Variants in PPP4R4 observed in about 807,000 individuals in gnomAD.
The protein encoded by PPP4R4 is protein phosphatase 4 regulatory subunit 4, also known as serine/threonine-protein phosphatase 4 regulatory subunit 4.
Under a neutral mutation model 121.8 loss-of-function variants are expected in PPP4R4, and 70 were observed. That is an observed-to-expected ratio of 0.57 (90% CI 0.47 to 0.70). The LOEUF (loss-of-function observed/expected upper bound fraction) is 0.70. PPP4R4 is among the 30% of genes least tolerant of loss of function. The pLI is 0.00. For synonymous variants in PPP4R4, 348 were observed against 355.7 expected (o/e 0.98, Z 0.24); for missense variants, 875 against 1,033.6 (o/e 0.85, Z 2.10).
At chr14:94,248,479 T>G (rs1019806707) in intron 14 of PPP4R4, among the ~76,000 whole-genome samples, 1 of 152,168 alleles carries the variant, frequency 6.6e-6, no homozygotes, top group Non-Finnish European at 1.5e-5. Flanking sequence ...AATGACCATA[T>G]TGCCCAAAGC....
intron 9 of PPP4R4, among the ~76,000 whole-genome samples, chr14:94,241,107 G>A (rs960558967): frequency 4.6e-5 from 7 of 152,004 alleles, no homozygotes; most frequent in South Asian, 2.1e-4. Flanking sequence ...CTATTTGTAC[G>A]TAGTAAGTAT....
intron 2 of PPP4R4, among the ~76,000 whole-genome samples, chr14:94,204,153 A>G (rs1317668970): frequency 3.3e-5 from 5 of 152,114 alleles, no homozygotes; most frequent in African/African-American, 9.7e-5. Flanking sequence ...TGACAGGTCT[A>G]TTGTTATATG....
rs11399509 is a variant in PPP4R4, at chr14:94,233,057, C to CAA, written c.517-584_517-583dup. Among the ~76,000 whole-genome samples the CAA allele has an allele frequency of 9.0e-4, 121 of 134,996 alleles. 1 individual carries two copies. The South Asian group carries it at 9.2e-3, about 10-fold the overall frequency. The allele number at this position is 134,996 out of a possible 152,430, so 88.6% of individuals were successfully genotyped here. On this transcript the variant is annotated intron_variant, in intron 5 of 24. Transcript: ENST00000304338. The stretch of plus-strand genomic sequence containing the variant: ...TGGGCGACAGAGCGAGACTCCGTCT[C>CAA]AAAAAAAAAAAAAGAGAAATAGCGA...
At chr14:94,216,474 A>G (rs1388662453) in intron 3 of PPP4R4, among the ~76,000 whole-genome samples, 1 of 152,244 alleles carries the variant, frequency 6.6e-6, no homozygotes, top group African/African-American at 2.4e-5. Context: ...TGTGTTTAGG[A>G]TAACTTGTAG....
chr14:94,236,141 G>A (rs529593547), intron 7 of PPP4R4, among the ~76,000 whole-genome samples: 16 of 152,194 alleles, frequency 1.1e-4, no homozygotes, highest in South Asian at 4.2e-4. Flanking sequence ...TTTAAGTGTC[G>A]TGTTGGAAGT....
chr14:94,204,880 T>C (rs1311571396), intron 2 of PPP4R4, among the ~76,000 whole-genome samples: 1 of 152,226 alleles, frequency 6.6e-6, no homozygotes, highest in Non-Finnish European at 1.5e-5. Context: ...TCTGAATTGG[T>C]ATGATCATGT....
chr14:94,218,944 A>T (rs1891227323), intron 3 of PPP4R4, among the ~76,000 whole-genome samples: 1 of 152,160 alleles, frequency 6.6e-6, no homozygotes, highest in African/African-American at 2.4e-5. Flanking sequence ...ACTGAAATAT[A>T]TACCCAGTTA....
chr14:94,179,185 C>T (rs1027305184), intron 2 of PPP4R4, among the ~76,000 whole-genome samples: 3 of 152,182 alleles, frequency 2.0e-5, no homozygotes, highest in African/African-American at 7.2e-5. Context: ...ACATTTCCAT[C>T]ACCCCCAAAA....
At chr14:94,190,988 AT>A (rs1377346733) in intron 2 of PPP4R4, among the ~76,000 whole-genome samples, 1 of 152,188 alleles carries the variant, frequency 6.6e-6, no homozygotes, top group Non-Finnish European at 1.5e-5. Flanking sequence ...TGAAACTAAA[AT>A]TTAACAATTA....
intron 23 of PPP4R4, among the ~76,000 whole-genome samples, chr14:94,269,939 A>G (rs1402271866): frequency 2.0e-5 from 3 of 152,198 alleles, no homozygotes; most frequent in Non-Finnish European, 4.4e-5. Context: ...CTATTAGATA[A>G]AATAATAACT....
intron 3 of PPP4R4, among the ~76,000 whole-genome samples, chr14:94,210,159 C>G (rs1890667769): frequency 6.6e-6 from 1 of 150,560 alleles, no homozygotes; most frequent in African/African-American, 2.4e-5. Flanking sequence ...TCAGGCATAC[C>G]TTACAGTTTC....
At chr14:94,194,480 A>T (rs1429985181) in intron 2 of PPP4R4, among the ~76,000 whole-genome samples, 2 of 152,240 alleles carry the variant, frequency 1.3e-5, no homozygotes, top group African/African-American at 4.8e-5. Flanking sequence ...ACTTTGAAAC[A>T]AAAAGAATAA....
chr14:94,174,454 G>T lies in PPP4R4; in HGVS notation c.-12G>T. On this transcript the variant is annotated 5_prime_UTR_variant, in exon 1 of 25. Transcript: ENST00000304338. The stretch of plus-strand genomic sequence containing the variant: ...CCGCTCCGGCCCGGGCGGCGAGAGT[G>T]CCCGGCGGTCCATGCATCCGCCGCC... 1 of 1,585,748 alleles carries T rather than the reference G, an allele frequency of 6.3e-7. No individual in the cohort carries two copies. Among genetic ancestry groups the T allele is most frequent in the Non-Finnish European group, 8.6e-7 (1 of 1,167,988 alleles).
At chr14:94,255,751 T>A (rs1440493337) in intron 16 of PPP4R4, among the ~76,000 whole-genome samples, 1 of 152,226 alleles carries the variant, frequency 6.6e-6, no homozygotes, top group Non-Finnish European at 1.5e-5. Context: ...CTAGCTGCAG[T>A]CTAATTTCAA....
intron 2 of PPP4R4, among the ~76,000 whole-genome samples, chr14:94,190,557 T>C (rs1889538155): frequency 6.6e-6 from 1 of 152,080 alleles, no homozygotes; most frequent in African/African-American, 2.4e-5. Context: ...GCCAAGATTG[T>C]GTCATTGCAC....
intron 20 of PPP4R4, 110 bp from the exon 21 acceptor site, chr14:94,265,277 G>A (rs1893979875): frequency 2.7e-6 from 2 of 746,076 alleles, no homozygotes; most frequent in African/African-American, 3.6e-5. Context: ...GGAAAAGAAA[G>A]CTGCTTAGCT....
chr14:94,174,691 G>A (rs1888565745), intron 1 of PPP4R4, 109 bp downstream of exon 1: 4 of 1,459,428 alleles, frequency 2.7e-6, no homozygotes, highest in East Asian at 2.6e-5. Flanking sequence ...CCGGGCCGCC[G>A]GGACCCTCTC....
chr14:94,259,730 C>G (rs935386208), intron 19 of PPP4R4, among the ~76,000 whole-genome samples: 2 of 152,196 alleles, frequency 1.3e-5, no homozygotes, highest in African/African-American at 2.4e-5. Flanking sequence ...TAGTCCCCAA[C>G]AACCAATGAT....
At chr14:94,277,366 C>T (rs918349004) in intron 24 of PPP4R4, among the ~76,000 whole-genome samples, 2 of 152,124 alleles carry the variant, frequency 1.3e-5, no homozygotes, top group Non-Finnish European at 2.9e-5. Flanking sequence ...TTGTGTGCCT[C>T]GTTCCCAGCA....
Sources: allele counts gnomAD v4.1 joint callset (sites outside exome capture counted in the v4.1 genomes callset), GRCh38; gene constraint gnomAD v4.1.1; transcripts MANE v1.5; gene names NCBI Gene and HGNC (gene_info 2026-07-23, HGNC 2026-07-21).